PID1: variants seen among roughly 807,000 people sequenced by gnomAD.
The protein encoded by PID1 is phosphotyrosine interaction domain containing 1.
In PID1, 10 loss-of-function variants were observed where a neutral mutation model predicts 19.1. The observed-to-expected ratio is 0.52, with a 90% CI of 0.32 to 0.89. The LOEUF (loss-of-function observed/expected upper bound fraction) is 0.89, where lower values mean the gene tolerates loss of function less well. PID1 is among the 40% of genes least tolerant of loss of function. The probability of loss-of-function intolerance (pLI) is 0.03; values close to 1 mark genes in which losing one functional copy is unlikely to be tolerated. For missense variants in PID1, 248 were observed against 285.3 expected (o/e 0.87, Z 0.94); for synonymous variants, 130 against 116.0 (o/e 1.12, Z -0.78).
At chr2:229,236,712 A>G (rs1288715225) in intron 1 of PID1, 1 of 152,388 alleles carries the variant, frequency 6.6e-6, no homozygotes, top group Non-Finnish European at 1.5e-5. Flanking sequence ...AAAGCAGGCG[A>G]CTATCACCAG....
intron 2 of PID1, among the ~76,000 whole-genome samples, chr2:229,104,492 A>G (rs1695136033): frequency 6.6e-6 from 1 of 152,236 alleles, no homozygotes; most frequent in Admixed American, 6.5e-5. Context: ...GTTTGAGCAC[A>G]TATAGTGAGT....
At chr2:229,155,118 TA>T (rs1488934702) in intron 2 of PID1, among the ~76,000 whole-genome samples, 2 of 152,218 alleles carry the variant, frequency 1.3e-5, no homozygotes, top group Non-Finnish European at 2.9e-5. Flanking sequence ...CTTGATTTTT[TA>T]TGTTTTTTTC....
At chr2:229,179,885 C>G (rs1470418269) in intron 1 of PID1, among the ~76,000 whole-genome samples, 1 of 152,180 alleles carries the variant, frequency 6.6e-6, no homozygotes, top group Non-Finnish European at 1.5e-5. Context: ...CCACACGGAC[C>G]TCTGCTCAGA....
At chr2:229,067,008 G>A (rs1574600983) in intron 2 of PID1, among the ~76,000 whole-genome samples, 1 of 152,148 alleles carries the variant, frequency 6.6e-6, no homozygotes, top group South Asian at 2.1e-4. Flanking sequence ...AATTTGTAAA[G>A]GAAGAGGTTT....
chr2:229,243,448 C>T (rs1227089165), intron 1 of PID1, among the ~76,000 whole-genome samples: 1 of 152,098 alleles, frequency 6.6e-6, no homozygotes. Flanking sequence ...TATTATAGCA[C>T]TGATTCTGCT....
chr2:229,219,401 C>G (rs561149248), intron 1 of PID1, among the ~76,000 whole-genome samples: 1 of 152,128 alleles, frequency 6.6e-6, no homozygotes, highest in Non-Finnish European at 1.5e-5. Flanking sequence ...CCTTATAAAA[C>G]CATCAGATGT....
intron 2 of PID1, among the ~76,000 whole-genome samples, chr2:229,082,256 G>T (rs1307525371): frequency 6.6e-6 from 1 of 152,276 alleles, no homozygotes; most frequent in East Asian, 1.9e-4. Flanking sequence ...ATGGAGAAAT[G>T]CACACCACCA....
chr2:229,044,004 T>C (rs1262966388), intron 2 of PID1, among the ~76,000 whole-genome samples: 1 of 152,210 alleles, frequency 6.6e-6, no homozygotes, highest in Non-Finnish European at 1.5e-5. Flanking sequence ...GGACCTTGTA[T>C]GTGTAAAGCA....
intron 1 of PID1, among the ~76,000 whole-genome samples, chr2:229,240,443 A>G (rs1178792287): frequency 1.3e-5 from 2 of 152,170 alleles, no homozygotes; most frequent in East Asian, 3.9e-4. Flanking sequence ...TAAGCAAAAC[A>G]TCTTGTTTTC....
chr2:229,148,559 G>A, intron 2 of PID1, among the ~76,000 whole-genome samples: 1 of 152,136 alleles, frequency 6.6e-6, no homozygotes. Flanking sequence ...CTTTTCCATT[G>A]ATTCTGCTAG....
chr2:229,045,393 T>C (rs543141852), intron 2 of PID1, among the ~76,000 whole-genome samples: 1 of 152,256 alleles, frequency 6.6e-6, no homozygotes, highest in African/African-American at 2.4e-5. Flanking sequence ...AATAAAGATG[T>C]CCATGTAACC....
intron 2 of PID1, among the ~76,000 whole-genome samples, chr2:229,112,055 C>T (rs530000549): frequency 2.6e-5 from 4 of 152,320 alleles, no homozygotes; most frequent in South Asian, 2.1e-4. Flanking sequence ...ATTAGCACAT[C>T]GCTCCAATTA....
At chr2:229,031,215 C>A (rs866892469) in intron 2 of PID1, among the ~76,000 whole-genome samples, 1,606 of 67,816 alleles carry the variant, frequency 0.024, 44 homozygotes, top group African/African-American at 0.071. Flanking sequence ...GACTCTGTCT[C>A]AAAAAAAAAA....
intron 1 of PID1, among the ~76,000 whole-genome samples, chr2:229,208,799 G>A (rs1691663227): frequency 6.6e-6 from 1 of 152,196 alleles, no homozygotes; most frequent in Non-Finnish European, 1.5e-5. Flanking sequence ...GGAGAAAGGG[G>A]AAGAGGGAGA....
chr2:229,054,714 GTGTGT>G (rs200243684), intron 2 of PID1, among the ~76,000 whole-genome samples: 1,962 of 46,884 alleles, frequency 0.042, 8 homozygotes, highest in East Asian at 0.096. Context: ...GTGTGTGTGT[GTGTGT>G]GGGGGGGGGG....
chr2:229,232,189 C>G, intron 1 of PID1: 1 of 1,326,632 alleles, frequency 7.5e-7, no homozygotes, highest in East Asian at 2.7e-5. Context: ...TCTGGGAGGC[C>G]GAGACAGTCA....
At chr2:229,115,925 T>C (rs1261674342) in intron 2 of PID1, among the ~76,000 whole-genome samples, 1 of 152,140 alleles carries the variant, frequency 6.6e-6, no homozygotes, top group Non-Finnish European at 1.5e-5. Flanking sequence ...CCAGGTGAAA[T>C]ATTTTTAAAA....
At chr2:229,046,509 TG>T (rs2106179706) in intron 2 of PID1, among the ~76,000 whole-genome samples, 1 of 152,170 alleles carries the variant, frequency 6.6e-6, no homozygotes, top group South Asian at 2.1e-4. Flanking sequence ...TTAATAAACT[TG>T]GCTAGATCTT....
chr2:229,226,604 C>T (rs1177695205), intron 1 of PID1, among the ~76,000 whole-genome samples: 1 of 152,114 alleles, frequency 6.6e-6, no homozygotes, highest in African/African-American at 2.4e-5. Context: ...TTCATTCCAT[C>T]AGAGCTTTGG....
Sources: gnomAD v4.1 joint callset for allele counts (sites outside exome capture counted in the v4.1 genomes callset) on GRCh38, gnomAD v4.1.1 for gene constraint, MANE v1.5 for transcripts, NCBI Gene and HGNC (gene_info 2026-07-23, HGNC 2026-07-21) for gene names.